MKLN1: variants seen among roughly 807,000 people sequenced by gnomAD.
MKLN1 encodes the protein muskelin.
In MKLN1, 18 loss-of-function variants were observed where a neutral mutation model predicts 99.0. The ratio of observed to expected loss-of-function variants is 0.18; its 90% CI spans 0.13 to 0.27. The LOEUF (loss-of-function observed/expected upper bound fraction) is 0.27. MKLN1 is among the 10% of genes least tolerant of loss of function. MKLN1 has a pLI of 1.00. For missense variants in MKLN1, 621 were observed against 875.9 expected (o/e 0.71, Z 3.67); for synonymous variants, 288 against 293.2 (o/e 0.98, Z 0.18).
chr7:131,379,611 A>G (rs1393763499), intron 2 of MKLN1, among the ~76,000 whole-genome samples: 1 of 152,224 alleles, frequency 6.6e-6, no homozygotes, highest in Admixed American at 6.5e-5. Flanking sequence ...TAAGGTAGTA[A>G]AGAGTGATGG....
In MKLN1 at chr7:131,316,487, C is replaced by T. The variant is rs369402882; in HGVS notation, c.-178-58937C>T. On this transcript the variant is annotated intron_variant, in intron 3 of 7. Transcript: ENST00000416992. ...CAAATATCAAAGGTAGATAAATCCACGAAGATGAGGAAAAGCCAGCACAAA... is the reference window on the plus strand; with the variant it reads ...CAAATATCAAAGGTAGATAAATCCATGAAGATGAGGAAAAGCCAGCACAAA... Among the ~76,000 whole-genome samples, 14 of 152,280 alleles carry T rather than the reference C, an allele frequency of 9.2e-5. No homozygotes were observed. In the East Asian group the frequency reaches 2.3e-3, roughly 25 times the overall value.
At chr7:131,219,504 C>G (rs1319356125) in intron 3 of MKLN1, among the ~76,000 whole-genome samples, 1 of 152,206 alleles carries the variant, frequency 6.6e-6, no homozygotes, top group East Asian at 1.9e-4. Flanking sequence ...CTTTACTTCT[C>G]AGATATGCTT....
At chr7:131,209,680 T>A (rs11764133) in intron 3 of MKLN1, among the ~76,000 whole-genome samples, 27,823 of 152,132 alleles carry the variant, frequency 0.18, 2,994 homozygotes, top group Non-Finnish European at 0.25. Context: ...GGATGACAGT[T>A]TGTCCAGCTT....
At chr7:131,290,551 C>T (rs1294338057) in intron 3 of MKLN1, among the ~76,000 whole-genome samples, 1 of 152,158 alleles carries the variant, frequency 6.6e-6, no homozygotes, top group East Asian at 1.9e-4. Flanking sequence ...AATTAACAAG[C>T]TGTATTCAGG....
intron 1 of MKLN1, among the ~76,000 whole-genome samples, chr7:131,362,948 A>T (rs922720275): frequency 2.0e-5 from 3 of 152,052 alleles, no homozygotes; most frequent in African/African-American, 7.2e-5. Flanking sequence ...TTCTTAATAA[A>T]AGTAATGATA....
chr7:131,205,752 G>A (rs945841217), intron 3 of MKLN1, among the ~76,000 whole-genome samples: 6 of 152,020 alleles, frequency 3.9e-5, no homozygotes, highest in African/African-American at 9.7e-5. Flanking sequence ...AGGAGCCACT[G>A]GCTGCTCCTA....
chr7:131,399,089 A>G, intron 5 of MKLN1, 152 bp from the exon 6 acceptor site: 1 of 636,976 alleles, frequency 1.6e-6, no homozygotes, highest in Non-Finnish European at 2.6e-6. Flanking sequence ...AGAGCCAAAT[A>G]ATGATACCTA....
chr7:131,148,487 A>T (rs148789689), intron 2 of MKLN1, among the ~76,000 whole-genome samples: 50 of 152,316 alleles, frequency 3.3e-4, no homozygotes, highest in African/African-American at 1.2e-3. Context: ...TTGAAAAACC[A>T]TTCAGGGATG....
intron 2 of MKLN1, 99 bp downstream of exon 2, chr7:131,375,592 C>A: frequency 1.4e-6 from 1 of 722,830 alleles, no homozygotes; most frequent in Non-Finnish European, 2.3e-6. Context: ...AGTTTATTCT[C>A]TTTTTGAGAT....
chr7:131,188,248 G>C (rs1386603696), intron 2 of MKLN1, among the ~76,000 whole-genome samples: 1 of 152,162 alleles, frequency 6.6e-6, no homozygotes, highest in Non-Finnish European at 1.5e-5. Flanking sequence ...GGCGTTGGGG[G>C]GAAGAAGATA....
intron 3 of MKLN1, among the ~76,000 whole-genome samples, chr7:131,252,256 T>C (rs1035517594): frequency 6.6e-6 from 1 of 151,908 alleles, no homozygotes; most frequent in Non-Finnish European, 1.5e-5. Flanking sequence ...TTAATGAAAA[T>C]TGCTCCACTA....
At chr7:131,444,820 T>A (rs535372340) in intron 11 of MKLN1, among the ~76,000 whole-genome samples, 19 of 143,860 alleles carry the variant, frequency 1.3e-4, no homozygotes, top group African/African-American at 2.8e-4. Context: ...GTAGTAGTAG[T>A]AGAAGTGGAA....
intron 16 of MKLN1, among the ~76,000 whole-genome samples, chr7:131,474,216 G>A (rs959520288): frequency 2.8e-4 from 43 of 152,240 alleles, no homozygotes; most frequent in African/African-American, 9.4e-4. Flanking sequence ...TTTAAAGATA[G>A]AACCAACAGA....
intron 3 of MKLN1, among the ~76,000 whole-genome samples, chr7:131,261,595 A>G (rs1797732169): frequency 6.6e-6 from 1 of 152,218 alleles, no homozygotes; most frequent in Non-Finnish European, 1.5e-5. Flanking sequence ...TGATTTCTCA[A>G]AGAACTGAAA....
chr7:131,308,729 G>T (rs941352869), intron 3 of MKLN1, among the ~76,000 whole-genome samples: 8 of 152,168 alleles, frequency 5.3e-5, no homozygotes, highest in African/African-American at 1.9e-4. Context: ...GGGATTATAG[G>T]CATGTGCCAC....
intron 2 of MKLN1, among the ~76,000 whole-genome samples, chr7:131,378,188 T>G (rs1236787196): frequency 6.6e-6 from 1 of 152,212 alleles, no homozygotes; most frequent in Non-Finnish European, 1.5e-5. Context: ...CTTGGCTCAC[T>G]GCAGCCTCCA....
chr7:131,200,699 A>G (rs1253633161), intron 2 of MKLN1, among the ~76,000 whole-genome samples: 1 of 152,222 alleles, frequency 6.6e-6, no homozygotes, highest in Non-Finnish European at 1.5e-5. Flanking sequence ...GTTTATCTCA[A>G]AGTATTAGCA....
rs573897229 is a variant in MKLN1, at chr7:131,446,897, C to A, written c.1525+994C>A. ...GACCAGCCTGAGCAACAAAGCAAGA[C>A]CCTGTCTCTACAAAAAGGAGGTTTC... On this transcript the variant is annotated intron_variant, in intron 12 of 17. Transcript: ENST00000352689. Among the ~76,000 whole-genome samples, 31 of 152,224 alleles carry A rather than the reference C, an allele frequency of 2.0e-4. 1 individual carries two copies. The South Asian group carries it at 6.2e-3, about 31-fold the overall frequency.
chr7:131,267,454 C>T (rs1288790553), intron 3 of MKLN1, among the ~76,000 whole-genome samples: 1 of 152,182 alleles, frequency 6.6e-6, no homozygotes, highest in African/African-American at 2.4e-5. Context: ...TGTAAACACC[C>T]CCAGGATAGG....
Sources: gnomAD v4.1 joint callset for allele counts (sites outside exome capture counted in the v4.1 genomes callset) on GRCh38, gnomAD v4.1.1 for gene constraint, MANE v1.5 for transcripts, NCBI Gene and HGNC (gene_info 2026-07-23, HGNC 2026-07-21) for gene names.